DENND4C: variants seen among roughly 807,000 people sequenced by gnomAD.
The protein encoded by DENND4C is DENN domain-containing protein 4C.
In DENND4C, 108 loss-of-function variants were observed where a neutral mutation model predicts 203.0. The ratio of observed to expected loss-of-function variants is 0.53; its 90% CI spans 0.46 to 0.62. DENND4C has a LOEUF of 0.62. Among genes scored for constraint, DENND4C ranks in the 20% least tolerant of loss-of-function variants. The probability of loss-of-function intolerance (pLI) is 0.00; values close to 1 mark genes in which losing one functional copy is unlikely to be tolerated. For missense variants in DENND4C, 2,481 were observed against 2,301.2 expected (o/e 1.08, Z -1.60); for synonymous variants, 871 against 792.4 (o/e 1.10, Z -1.67).
At chr9:19,324,585 C>A in intron 13 of DENND4C, 78 bp downstream of exon 13, 2 of 1,439,748 alleles carry the variant, frequency 1.4e-6, no homozygotes, top group Non-Finnish European at 1.9e-6. Context: ...TATTGTTAGT[C>A]TAGAGTGATA....
chr9:19,235,609 CTT>C (rs58031665), intron 1 of DENND4C, among the ~76,000 whole-genome samples: 2 of 118,938 alleles, frequency 1.7e-5, no homozygotes, highest in Non-Finnish European at 3.4e-5. Context: ...GAAGAGTCAT[CTT>C]TTTTTTTTTT....
chr9:19,270,181 A>AC (rs578140487), intron 1 of DENND4C, among the ~76,000 whole-genome samples: 8 of 152,250 alleles, frequency 5.3e-5, no homozygotes, highest in African/African-American at 1.9e-4. Context: ...CACCCCTGCA[A>AC]CCACCACCAC....
At chr9:19,296,962 T>G (rs532418064) in intron 6 of DENND4C, among the ~76,000 whole-genome samples, 1 of 152,328 alleles carries the variant, frequency 6.6e-6, no homozygotes, top group East Asian at 1.9e-4. Context: ...ATTGACAGAA[T>G]TATTTGAGCT....
chr9:19,334,801 G>A (rs1458136055), intron 17 of DENND4C, among the ~76,000 whole-genome samples, 176 bp from the exon 18 acceptor site: 3 of 152,112 alleles, frequency 2.0e-5, no homozygotes, highest in East Asian at 1.9e-4. Context: ...GCTGTGAGGC[G>A]TGAGCCACTG....
intron 2 of DENND4C, among the ~76,000 whole-genome samples, chr9:19,283,487 A>G (rs1452252242): frequency 3.3e-5 from 5 of 152,102 alleles, no homozygotes; most frequent in African/African-American, 4.8e-5. Flanking sequence ...ATTATAATCT[A>G]TGGCACCACC....
At position 19,305,526 on chromosome 9, in the gene DENND4C, G is replaced by T; in HGVS notation, c.1486G>T (p.Val496Leu). ...TGACTTGGATACGAACATGTTATAT[G>T]TGTAAGTTGATTCATTTTATATTAT... Reference protein sequence around the residue: ...CIDLDTNMLYVSDEKKNMNWK... With the variant: ...CIDLDTNMLYLSDEKKNMNWK... Residue 496 changes from valine to leucine, a missense_variant and splice_region_variant, in exon 10 of 33, where the codon GTA becomes TTA. Val to Leu is a conservative substitution (Grantham distance 32, BLOSUM62 1). Transcript: ENST00000434457. 1 of 1,609,378 alleles carries T rather than the reference G, an allele frequency of 6.2e-7. No homozygotes were observed. Among genetic ancestry groups the T allele is most frequent in the Non-Finnish European group, 8.5e-7 (1 of 1,178,848 alleles).
intron 12 of DENND4C, among the ~76,000 whole-genome samples, chr9:19,321,368 T>C (rs1842844055): frequency 6.6e-6 from 1 of 152,094 alleles, no homozygotes; most frequent in South Asian, 2.1e-4. Context: ...GTGGGAGATA[T>C]CAAGAGCACC....
In DENND4C at chr9:19,305,601, C is replaced by G. The variant is rs1321005410; in HGVS notation, c.1487+74C>G. On this transcript the variant is annotated intron_variant, in intron 10 of 32. Coordinates refer to ENST00000434457, the MANE Select transcript of DENND4C (RefSeq NM_001330640.2). Reference sequence around the variant, plus strand: ...TAGAGTTACAGTTCTTTGAAAGCATCTAGAAATATGCTATTTTTGGTAGTT... The same window carrying G: ...TAGAGTTACAGTTCTTTGAAAGCATGTAGAAATATGCTATTTTTGGTAGTT... 2.9e-6 allele frequency: 4 copies of G among 1,399,582 alleles called. 1 individual carries two copies. In the Admixed American group the frequency reaches 5.9e-5, roughly 21 times the overall value. The allele number at this position is 1,399,582 out of a possible 1,614,324, so 86.7% of individuals were successfully genotyped here.
chr9:19,276,191 G>T lies in DENND4C; in HGVS notation c.17G>T (p.Gly6Val), dbSNP rs939120094. The T allele has an allele frequency of 1.6e-6, 2 of 1,232,000 alleles. No individual in the cohort carries two copies. Among genetic ancestry groups the T allele is most frequent in the African/African-American group, 3.1e-5 (2 of 64,504 alleles). The allele number at this position is 1,232,000 out of a possible 1,614,324, so 76.3% of individuals were successfully genotyped here. A position where few individuals can be genotyped will look rare whatever the true frequency, so the allele number is the denominator to read the frequency against. MIEDK[G>V]PRVTDYFVVA... The stretch of plus-strand genomic sequence containing the variant: ...GTAGCAGCCATGATAGAAGACAAAG[G>T]ACCAAGAGTGACAGACTACTTTGTC... The change falls in exon 2 of 33, where the codon GGA becomes GTA. Residue 6 changes from glycine to valine, a missense_variant. Physicochemically the swap from Gly to Val is moderately radical, Grantham distance 109. Transcript: ENST00000434457.
chr9:19,281,172 C>G (rs549753764), intron 2 of DENND4C, among the ~76,000 whole-genome samples: 2 of 152,134 alleles, frequency 1.3e-5, no homozygotes, highest in African/African-American at 4.8e-5. Context: ...TGATGACTTA[C>G]GTAATTATAT....
chr9:19,288,546 T>C (rs1481455307), intron 3 of DENND4C, 50 bp from the exon 4 acceptor site: 1 of 1,138,082 alleles, frequency 8.8e-7, no homozygotes, highest in East Asian at 3.2e-5. Flanking sequence ...ACAAAATCAA[T>C]TTCTTTTCAC....
chr9:19,356,038 C>A (rs760288683), intron 26 of DENND4C, among the ~76,000 whole-genome samples: 2 of 151,990 alleles, frequency 1.3e-5, no homozygotes, highest in Non-Finnish European at 2.9e-5. Context: ...TTAAGTCTGT[C>A]CCCTGAATAT....
chr9:19,333,738 C>T (rs1053380894), intron 17 of DENND4C, among the ~76,000 whole-genome samples: 9 of 152,132 alleles, frequency 5.9e-5, no homozygotes, highest in African/African-American at 2.2e-4. Context: ...TGATATTATC[C>T]AGCTAATGGC....
chr9:19,269,550 CTTGT>C (rs1490680504), intron 1 of DENND4C, among the ~76,000 whole-genome samples: 2 of 152,172 alleles, frequency 1.3e-5, no homozygotes, highest in African/African-American at 2.4e-5. Context: ...CTGATTCATT[CTTGT>C]TTATCAGTTG....
At chr9:19,275,569 C>T (rs1588815119) in intron 1 of DENND4C, among the ~76,000 whole-genome samples, 1 of 152,064 alleles carries the variant, frequency 6.6e-6, no homozygotes, top group African/African-American at 2.4e-5. Flanking sequence ...CCCCTGGGTT[C>T]AAGCGATTCT....
intron 9 of DENND4C, among the ~76,000 whole-genome samples, chr9:19,304,197 T>A (rs563783207): frequency 1.9e-4 from 29 of 151,376 alleles, no homozygotes; most frequent in Middle Eastern, 3.4e-3. Flanking sequence ...TGATTTTTTT[T>A]TTTTTGAGAC....
chr9:19,331,046 G>GA (rs1490303462), intron 16 of DENND4C, among the ~76,000 whole-genome samples: 1 of 151,636 alleles, frequency 6.6e-6, no homozygotes, highest in African/African-American at 2.4e-5. Flanking sequence ...ACAAAAGCAA[G>GA]ACTCTGTCTT....
chr9:19,348,353 A>C (rs1823366819), intron 23 of DENND4C, among the ~76,000 whole-genome samples: 1 of 152,188 alleles, frequency 6.6e-6, no homozygotes, highest in Non-Finnish European at 1.5e-5. Context: ...GATACCAAAG[A>C]GCAATATATG....
At position 19,372,106 on chromosome 9, in the gene DENND4C, A is replaced by C; in HGVS notation, c.5810A>C (p.Lys1937Thr). Reference protein sequence around the residue: ...LSSEILERLQKIDAPPSASVE... With the variant: ...LSSEILERLQTIDAPPSASVE... ...TCAGAGATTCTTGAAAGGTTGCAGAAAATTGATGCTCCACCAAGTGCCAGT... is the reference window on the plus strand; with the variant it reads ...TCAGAGATTCTTGAAAGGTTGCAGACAATTGATGCTCCACCAAGTGCCAGT... Residue 1937 changes from lysine to threonine, a missense_variant, in exon 33 of 33, where the codon AAA (lysine) becomes ACA (threonine). Lys to Thr is a moderately conservative substitution (Grantham distance 78). Transcript: ENST00000434457. The C allele has an allele frequency of 6.2e-7, 1 of 1,614,136 alleles. No individual in the cohort carries two copies.
Sources: gnomAD v4.1 joint callset for allele counts (sites outside exome capture counted in the v4.1 genomes callset) on GRCh38, gnomAD v4.1.1 for gene constraint, MANE v1.5 for transcripts, NCBI Gene and HGNC (gene_info 2026-07-23, HGNC 2026-07-21) for gene names.